The following PPP6R2 variants were observed in gnomAD, a reference collection of about 807,000 sequenced individuals.
PPP6R2 encodes the protein serine/threonine-protein phosphatase 6 regulatory subunit 2.
In PPP6R2, 62 loss-of-function variants were observed where a neutral mutation model predicts 100.2. The observed-to-expected ratio is 0.62, with a 90% CI of 0.50 to 0.76. The LOEUF is 0.76. Ranked by LOEUF, PPP6R2 falls within the 30% of genes least tolerant of loss-of-function variation. The probability of loss-of-function intolerance (pLI) is 0.00; values close to 1 mark genes in which losing one functional copy is unlikely to be tolerated. For synonymous variants in PPP6R2, 525 were observed against 514.7 expected (o/e 1.02, Z -0.27); for missense variants, 1,142 against 1,276.3 (o/e 0.89, Z 1.60).
At chr22:50,342,335 G>T (rs879210918), upstream of PPP6R2, among the ~76,000 whole-genome samples, 1 of 152,252 alleles carries the variant, frequency 6.6e-6, no homozygotes, top group Non-Finnish European at 1.5e-5. Flanking sequence ...TAGGGGAAAA[G>T]CTTTTGCTGG....
At chr22:50,403,759 G>A (rs2058407208) in intron 3 of PPP6R2, among the ~76,000 whole-genome samples, 1 of 152,218 alleles carries the variant, frequency 6.6e-6, no homozygotes, top group Non-Finnish European at 1.5e-5. Context: ...GCCCTTCACA[G>A]GCGCTGTTCC....
At chr22:50,440,791 C>T (rs757108447) in intron 21 of PPP6R2, 31 bp from the exon 22 acceptor site, 2 of 1,610,420 alleles carry the variant, frequency 1.2e-6, no homozygotes, top group Non-Finnish European at 1.7e-6. Context: ...CCTCCTGCCT[C>T]ACTGGACAGC....
chr22:50,374,247 A>G (rs1358054407), intron 2 of PPP6R2, among the ~76,000 whole-genome samples: 1 of 152,100 alleles, frequency 6.6e-6, no homozygotes, highest in Non-Finnish European at 1.5e-5. Context: ...GGGCGGATGG[A>G]TGGCTTGAGT....
chr22:50,425,723 T>C (rs1431277582), intron 10 of PPP6R2, among the ~76,000 whole-genome samples: 2 of 151,484 alleles, frequency 1.3e-5, no homozygotes, highest in African/African-American at 4.8e-5. Context: ...GGTGTCTCCG[T>C]GTGGCTGATG....
upstream of PPP6R2, among the ~76,000 whole-genome samples, chr22:50,340,018 TGTGTGTGTAGG>T (rs2042354408): frequency 7.5e-6 from 1 of 132,750 alleles, no homozygotes; most frequent in East Asian, 2.4e-4. Flanking sequence ...TGGTATGTAG[TGTGTGTGTAGG>T]GTGTGTGGTG....
intron 2 of PPP6R2, among the ~76,000 whole-genome samples, chr22:50,385,754 G>A (rs2054099556): frequency 6.8e-6 from 1 of 147,988 alleles, no homozygotes; most frequent in South Asian, 2.2e-4. Flanking sequence ...GACCTCAGGT[G>A]ATCCACCTGC....
intron 2 of PPP6R2, among the ~76,000 whole-genome samples, chr22:50,389,932 T>A (rs543640227): frequency 6.6e-6 from 1 of 151,738 alleles, no homozygotes; most frequent in Non-Finnish European, 1.5e-5. Context: ...TGGGGAGAGC[T>A]GATAGAAACA....
In PPP6R2 at chr22:50,422,261, G is replaced by T. The variant is rs545360904; in HGVS notation, c.853G>T (p.Gly285Cys). 3.1e-6 allele frequency: 5 copies of T among 1,614,022 alleles called. No individual in the cohort carries two copies. In the South Asian group the frequency reaches 5.5e-5, roughly 18 times the overall value. ...LLETRRVGTEGLVDSFSQGLE... is the reference protein window; with the variant it reads ...LLETRRVGTECLVDSFSQGLE... ...TGCTTTCCTCATCCACAGGACAGAG[G>T]GCTTGGTGGACTCCTTTTCTCAGGG... Residue 285 changes from glycine to cysteine, a missense_variant, in exon 9 of 24, where the codon GGC (glycine) becomes TGC (cysteine). Physicochemically the swap from Gly to Cys is radical, Grantham distance 159. Coordinates refer to ENST00000612753, the MANE Select transcript of PPP6R2 (RefSeq NM_001242898.2).
At chr22:50,355,733 G>T (rs1470577864) in intron 1 of PPP6R2, among the ~76,000 whole-genome samples, 1 of 143,414 alleles carries the variant, frequency 7.0e-6, no homozygotes, top group Non-Finnish European at 1.5e-5. Context: ...GTGTTAGCCA[G>T]GATGGTCTCG....
At chr22:50,339,756 TG>T, upstream of PPP6R2, among the ~76,000 whole-genome samples, 1 of 113,138 alleles carries the variant, frequency 8.8e-6, no homozygotes, top group South Asian at 3.0e-4. Flanking sequence ...TATGTGGTGG[TG>T]TGTGGTGTGT....
chr22:50,356,933 C>CAA (rs111457849), intron 1 of PPP6R2, among the ~76,000 whole-genome samples: 76 of 142,412 alleles, frequency 5.3e-4, no homozygotes, highest in African/African-American at 1.6e-3. Flanking sequence ...GACTCTGTCT[C>CAA]AAAAAAAAAA....
intron 1 of PPP6R2, among the ~76,000 whole-genome samples, chr22:50,357,189 C>T (rs1191267450): frequency 1.3e-5 from 2 of 152,106 alleles, no homozygotes; most frequent in African/African-American, 2.4e-5. Context: ...ATATTAATAT[C>T]TATTCATGCT....
Position 50,406,784 on chromosome 22 carries a change from A to T in PPP6R2, c.323A>T (p.Asp108Val). The T allele has an allele frequency of 6.2e-7, 1 of 1,613,962 alleles. No individual in the cohort carries two copies. Among genetic ancestry groups the T allele is most frequent in the Non-Finnish European group, 8.5e-7 (1 of 1,179,944 alleles). ...GAGAGCCTGCTGAGCCTCCTGTACG[A>T]CTTCTTGGACCATGAGCCGCCTCTC... ...GDESLLSLLY[D>V]FLDHEPPLNP... Residue 108 changes from aspartate (D) to valine (V), a missense_variant, in exon 4 of 24, where the codon GAC becomes GTC. By Grantham distance (152) the Asp-to-Val change is radical (BLOSUM62 -3). This residue lies in a region of PPP6R2 where 592 missense variants were observed against 758.9 expected (regional missense o/e 0.78). Transcript: ENST00000612753.
chr22:50,443,390 C>G, intron 22 of PPP6R2: 1 of 159,838 alleles, frequency 6.3e-6, no homozygotes, highest in Non-Finnish European at 1.4e-5. Flanking sequence ...TGTCGTCGCC[C>G]TGCAGGAAGC....
chr22:50,403,077 G>T (rs184231729), intron 3 of PPP6R2, among the ~76,000 whole-genome samples: 5 of 152,306 alleles, frequency 3.3e-5, no homozygotes, highest in Admixed American at 1.3e-4. Flanking sequence ...GCCGAGCATG[G>T]TGGTGCATGC....
chr22:50,339,320 AGTGT>A (rs200046677), upstream of PPP6R2, among the ~76,000 whole-genome samples: 1 of 91,758 alleles, frequency 1.1e-5, no homozygotes, highest in Non-Finnish European at 2.3e-5. Context: ...TTGTGGGTGT[AGTGT>A]GTGTGGTGTG....
chr22:50,440,133 G>A (rs2065246964), intron 21 of PPP6R2, 84 bp downstream of exon 21: 3 of 1,302,044 alleles, frequency 2.3e-6, no homozygotes, highest in Non-Finnish European at 3.2e-6. Context: ...GGGGGCAGTG[G>A]GAGGAGGTGG....
chr22:50,348,809 T>G (rs1363524379), intron 1 of PPP6R2, among the ~76,000 whole-genome samples: 2 of 152,134 alleles, frequency 1.3e-5, no homozygotes, highest in Non-Finnish European at 2.9e-5. Context: ...GGTTCACGCC[T>G]GTAATCCCAG....
chr22:50,346,331 C>G (rs1334767296), intron 1 of PPP6R2, among the ~76,000 whole-genome samples: 1 of 35,484 alleles, frequency 2.8e-5, no homozygotes, highest in Admixed American at 2.3e-4. Context: ...CAGTGCCCCC[C>G]CAGTCAGTTC....
Sources: allele counts gnomAD v4.1 joint callset (sites outside exome capture counted in the v4.1 genomes callset), GRCh38; gene constraint gnomAD v4.1.1; regional missense constraint gnomAD v4.1.1; transcripts MANE v1.5; gene names NCBI Gene and HGNC (gene_info 2026-07-23, HGNC 2026-07-21).